PDXK: variants seen among roughly 807,000 people sequenced by gnomAD.
PDXK encodes the protein epididymis secretory sperm binding protein Li 1a.
Under a neutral mutation model 43.2 loss-of-function variants are expected in PDXK, and 15 were observed. That is an observed-to-expected ratio of 0.35 (90% CI 0.23 to 0.53). PDXK has a LOEUF of 0.53. Ranked by LOEUF, PDXK falls within the 20% of genes least tolerant of loss-of-function variation. PDXK has a pLI of 0.92. For missense variants in PDXK, 343 were observed against 417.0 expected, an observed-to-expected ratio of 0.82 and a Z score of 1.54; for synonymous variants, 172 against 165.4, an observed-to-expected ratio of 1.04 and a Z score of -0.31.
chr21:43,755,647 G>A lies in PDXK; in HGVS notation c.760-51G>A, dbSNP rs751059417. 3.2e-5 allele frequency: 46 copies of A among 1,423,728 alleles called. No homozygotes were observed. The South Asian group carries it at 4.4e-4, about 14-fold the overall frequency. The allele number at this position is 1,423,728 out of a possible 1,614,324, so 88.2% of individuals were successfully genotyped here. ...ATCCCCTCCTGGCAGCAGTGGGCAC[G>A]TCGGGTGTTGTGAGTGGGCCAGGGG... On this transcript the variant is annotated intron_variant, in intron 9 of 10. Transcript: ENST00000291565.
Position 43,719,162 on chromosome 21 carries a change from C to G in PDXK, c.-133C>G. The G allele has an allele frequency of 1.1e-5, 4 of 375,950 alleles. No individual in the cohort carries two copies. Among genetic ancestry groups the G allele is most frequent in the Non-Finnish European group, 1.8e-5 (4 of 226,246 alleles). The allele number at this position is 375,950 out of a possible 1,614,324, so 23.3% of individuals were successfully genotyped here. A position where few individuals can be genotyped will look rare whatever the true frequency, so the allele number is the denominator to read the frequency against. On this transcript the variant is annotated 5_prime_UTR_variant, in exon 1 of 11. Coordinates refer to ENST00000291565, the MANE Select transcript of PDXK (RefSeq NM_003681.5). ...GAGGCGTCTGCGCTGATCGGGTCCG[C>G]CGCGCGCCAGAGCCAGAGTCGCAGC...
chr21:43,726,398 C>T (rs1601782186), intron 1 of PDXK, among the ~76,000 whole-genome samples: 1 of 151,508 alleles, frequency 6.6e-6, no homozygotes, highest in South Asian at 2.1e-4. Context: ...GCCTCAGCCT[C>T]CCAGGTAGCT....
chr21:43,745,949 A>G (rs2083631652), intron 4 of PDXK, 130 bp from the exon 5 acceptor site: 1 of 750,460 alleles, frequency 1.3e-6, no homozygotes, highest in African/African-American at 1.7e-5. Flanking sequence ...GTGAACCATG[A>G]TTGCACCACT....
Position 43,756,069 on chromosome 21 carries a change from C to T in PDXK, c.*6C>T. 1 of 1,553,906 alleles carries T rather than the reference C, an allele frequency of 6.4e-7. No individual in the cohort carries two copies. The highest frequency in any genetic ancestry group is 8.9e-7 in the Non-Finnish European group (1 of 1,129,870). On this transcript the variant is annotated 3_prime_UTR_variant, in exon 11 of 11. Coordinates refer to ENST00000291565, the MANE Select transcript of PDXK (RefSeq NM_003681.5). The stretch of plus-strand genomic sequence containing the variant: ...TCCAGGCCACGGTGCTGTGAGGGCC[C>T]CGCCGCTTGCCCGTGACACGCAGCG...
At chr21:43,749,838 G>C (rs2083703305) in intron 6 of PDXK, among the ~76,000 whole-genome samples, 1 of 152,214 alleles carries the variant, frequency 6.6e-6, no homozygotes, top group African/African-American at 2.4e-5. Flanking sequence ...AGTGTGTTGG[G>C]CTTGGCTGTC....
chr21:43,734,244 G>A lies in PDXK; in HGVS notation c.142+121G>A, dbSNP rs887495560. On this transcript the variant is annotated intron_variant, in intron 2 of 10. Coordinates refer to ENST00000291565, the MANE Select transcript of PDXK (RefSeq NM_003681.5). This position sits in a 1 kb window ranked among gnomAD's most constrained non-coding sequence, Gnocchi z 5.0. ...TGAGGGACGGGGCTTTCGTGTGGAC[G>A]GGGACCTGGAGTCCTGGGCGTCGCT... 9 of 931,078 alleles carry A rather than the reference G, an allele frequency of 9.7e-6. No individual in the cohort carries two copies. The highest frequency in any genetic ancestry group is 5.4e-5 in the South Asian group (4 of 74,722). The allele number at this position is 931,078 out of a possible 1,614,324, so 57.7% of individuals were successfully genotyped here.
chr21:43,737,117 G>A lies in PDXK; in HGVS notation c.142+2994G>A. 1 of 1,097,050 alleles carries A rather than the reference G, an allele frequency of 9.1e-7. No individual in the cohort carries two copies. 68.0% of individuals were successfully genotyped at this position (1,097,050 alleles called of 1,614,324 possible). A position where few individuals can be genotyped will look rare whatever the true frequency, so the allele number is the denominator to read the frequency against. On this transcript the variant is annotated intron_variant, in intron 2 of 10. Transcript: ENST00000291565. This position sits in a 1 kb window ranked among gnomAD's most constrained non-coding sequence, Gnocchi z 4.8. Reference sequence around the variant, plus strand: ...CCACCTCCTGCCCAGGGTTGTTACTGGGGTGGTCACGTGGGCAGCTTCTGC... The same window carrying A: ...CCACCTCCTGCCCAGGGTTGTTACTAGGGTGGTCACGTGGGCAGCTTCTGC...
In PDXK at chr21:43,732,290, G is replaced by A; in HGVS notation, c.88-1779G>A. The A allele has an allele frequency of 6.4e-7, 1 of 1,569,320 alleles. No individual in the cohort carries two copies. The highest frequency in any genetic ancestry group is 8.6e-7 in the Non-Finnish European group (1 of 1,158,542). On this transcript the variant is annotated intron_variant, in intron 1 of 10. Coordinates refer to ENST00000291565, the MANE Select transcript of PDXK (RefSeq NM_003681.5). The surrounding 1 kb of genome is among the most constrained non-coding windows in gnomAD (Gnocchi z 4.1). ...ACAGCAGGAGATACCTTTCTCTGGG[G>A]TCCCAGGCTCCCGTCCTGGACCTTG...
At chr21:43,733,560 C>G in intron 1 of PDXK, 2 of 677,622 alleles carry the variant, frequency 3.0e-6, no homozygotes, top group Non-Finnish European at 3.7e-6. Context: ...CCTCACACAC[C>G]CACTCCCTGA....
intron 1 of PDXK, among the ~76,000 whole-genome samples, chr21:43,720,206 C>T (rs1363763304): frequency 6.6e-6 from 1 of 152,174 alleles, no homozygotes; most frequent in Non-Finnish European, 1.5e-5. Context: ...ACGACGGGCA[C>T]TTCCTGGCCT....
intron 1 of PDXK, among the ~76,000 whole-genome samples, chr21:43,720,606 G>A (rs1366241384): frequency 6.6e-6 from 1 of 152,188 alleles, no homozygotes; most frequent in African/African-American, 2.4e-5. Flanking sequence ...GACCCTGCCT[G>A]GGACAGTCAG....
intron 1 of PDXK, among the ~76,000 whole-genome samples, chr21:43,730,636 A>G (rs1029521396): frequency 1.3e-5 from 2 of 152,166 alleles, no homozygotes; most frequent in African/African-American, 4.8e-5. Context: ...TGAGGCTACA[A>G]TATATATTAT....
At position 43,741,698 on chromosome 21, in the gene PDXK, T is replaced by C; in HGVS notation, c.174T>C (p.Asn58=). 1 of 1,613,156 alleles carries C rather than the reference T, an allele frequency of 6.2e-7. No individual in the cohort carries two copies. The highest frequency in any genetic ancestry group is 2.2e-5 in the East Asian group (1 of 44,850). The change falls in exon 3 of 11, where the codon AAT becomes AAC. Residue 58 remains asparagine (N), a synonymous_variant. Transcript: ENST00000291565. ...CCCACTGGAAGGGCCAAGTGCTGAA[T>C]TCAGATGAGCTCCAGGAGTTGTACG... is the stretch of plus-strand genomic sequence containing the variant. The part of the protein sequence containing the change: ...GYAHWKGQVL[N]SDELQELYEG...
At chr21:43,736,629 G>GTTTT (rs34234452) in intron 2 of PDXK, among the ~76,000 whole-genome samples, 5 of 118,642 alleles carry the variant, frequency 4.2e-5, no homozygotes, top group South Asian at 2.6e-4. Context: ...TCCTTTTTCT[G>GTTTT]TTTTTTTTTT....
At position 43,732,985 on chromosome 21, in the gene PDXK, C is replaced by T. The variant is rs2147227729; in HGVS notation, c.88-1084C>T. Among the ~76,000 whole-genome samples the T allele has an allele frequency of 6.6e-6, 1 of 152,262 alleles. No homozygotes were observed. Among genetic ancestry groups the T allele is most frequent in the East Asian group, 1.9e-4 (1 of 5,172 alleles). ...CTGGTCTTGAACTCCTGGCCTCAAA[C>T]TGTACTCCTACCTCGGCCTCCTAAA... On this transcript the variant is annotated intron_variant, in intron 1 of 10. Transcript: ENST00000291565. The surrounding 1 kb of genome is among the most constrained non-coding windows in gnomAD (Gnocchi z 4.1).
intron 1 of PDXK, among the ~76,000 whole-genome samples, chr21:43,729,549 G>A (rs546057927): frequency 6.6e-6 from 1 of 152,316 alleles, no homozygotes; most frequent in South Asian, 2.1e-4. Flanking sequence ...AGTCTGAGCT[G>A]CATCCTGTGG....
intron 1 of PDXK, among the ~76,000 whole-genome samples, chr21:43,726,973 G>A (rs948725142): frequency 5.9e-5 from 9 of 152,188 alleles, no homozygotes; most frequent in Admixed American, 1.3e-4. Context: ...GCATGCATGC[G>A]TGTGTCATGG....
At position 43,741,731 on chromosome 21, in the gene PDXK, G is replaced by C; in HGVS notation, c.207G>C (p.Leu69=). 1 of 1,612,980 alleles carries C rather than the reference G, an allele frequency of 6.2e-7. No homozygotes were observed. Among genetic ancestry groups the C allele is most frequent in the Non-Finnish European group, 8.5e-7 (1 of 1,179,300 alleles). Residue 69 remains leucine (L), a synonymous_variant, in exon 3 of 11, where the codon CTG becomes CTC. Coordinates refer to ENST00000291565, the MANE Select transcript of PDXK (RefSeq NM_003681.5). ...SDELQELYEG[L]RLNNMNKYDY... ...AGCTCCAGGAGTTGTACGAAGGCCT[G>C]AGGCTGAACAACATGAATAAATATG...
intron 1 of PDXK, among the ~76,000 whole-genome samples, chr21:43,720,801 GC>G (rs1019174243): frequency 6.6e-5 from 10 of 152,184 alleles, no homozygotes; most frequent in Non-Finnish European, 1.5e-4. Context: ...GAACCAGGGG[GC>G]TCTGAGGACA....
Sources: allele counts gnomAD v4.1 joint callset (sites outside exome capture counted in the v4.1 genomes callset), GRCh38; gene constraint gnomAD v4.1.1; non-coding constraint Gnocchi (gnomAD v3.1); transcripts MANE v1.5; gene names NCBI Gene and HGNC (gene_info 2026-07-23, HGNC 2026-07-21).